Variants in LRMDA observed in about 807,000 individuals in gnomAD.
LRMDA encodes the protein leucine rich melanocyte differentiation associated.
A neutral mutation model predicts 29.8 loss-of-function variants in LRMDA; 18 were observed. The observed-to-expected ratio is 0.60, with a 90% CI of 0.42 to 0.90. LRMDA has a LOEUF of 0.90. Among genes scored for constraint, LRMDA ranks in the 40% least tolerant of loss-of-function variants. The probability of loss-of-function intolerance (pLI) is 0.00; values close to 1 mark genes in which losing one functional copy is unlikely to be tolerated. For missense variants in LRMDA, 273 were observed against 273.9 expected (o/e 1.00, Z 0.02); for synonymous variants, 125 against 109.4 (o/e 1.14, Z -0.89).
rs548585210 is a variant in LRMDA at position 76,480,868 on chromosome 10, G to A, written c.602-76341G>A. On this transcript the variant is annotated intron_variant, in intron 6 of 6. Transcript: ENST00000611255. Reference sequence around the variant, plus strand: ...CGAAAAATAATTTCCCAGTAAGTTCGAAGAATACCTTAAAGGTAATCATAT... The same window carrying A: ...CGAAAAATAATTTCCCAGTAAGTTCAAAGAATACCTTAAAGGTAATCATAT... Among the ~76,000 whole-genome samples the A allele has an allele frequency of 6.6e-5, 10 of 151,948 alleles. No individual in the cohort carries two copies. The South Asian group carries it at 2.1e-3, about 32-fold the overall frequency.
intron 2 of LRMDA, among the ~76,000 whole-genome samples, chr10:75,603,245 A>G (rs987909963): frequency 2.6e-5 from 4 of 151,970 alleles, no homozygotes; most frequent in African/African-American, 9.7e-5. Flanking sequence ...AGATCATGAA[A>G]ATCTCATCTT....
chr10:76,331,198 G>A (rs951906575), intron 6 of LRMDA, among the ~76,000 whole-genome samples: 6 of 152,196 alleles, frequency 3.9e-5, no homozygotes, highest in Admixed American at 3.9e-4. Flanking sequence ...TTGAACCCAG[G>A]AGGCGAAGGT....
At chr10:75,492,529 G>A (rs1845000611) in intron 2 of LRMDA, among the ~76,000 whole-genome samples, 1 of 152,162 alleles carries the variant, frequency 6.6e-6, no homozygotes, top group South Asian at 2.1e-4. Flanking sequence ...TTTTGCTTAT[G>A]AGAAGAGGAA....
At chr10:76,246,408 A>G (rs1852377974) in intron 5 of LRMDA, among the ~76,000 whole-genome samples, 1 of 152,130 alleles carries the variant, frequency 6.6e-6, no homozygotes, top group Non-Finnish European at 1.5e-5. Flanking sequence ...ACCTCCTCTC[A>G]TGTCTCATGG....
intron 2 of LRMDA, among the ~76,000 whole-genome samples, chr10:75,457,890 T>C (rs1260792061): frequency 8.9e-6 from 1 of 111,752 alleles, no homozygotes; most frequent in Admixed American, 8.3e-5. Flanking sequence ...CCATTTTTTC[T>C]TTTTACTTTT....
chr10:75,603,797 G>T (rs189117073), intron 2 of LRMDA, among the ~76,000 whole-genome samples: 51 of 152,266 alleles, frequency 3.3e-4, no homozygotes, highest in African/African-American at 1.2e-3. Flanking sequence ...GGTTGTTCAA[G>T]CTTTTAAAGA....
At chr10:75,966,403 G>A (rs892002233) in intron 2 of LRMDA, among the ~76,000 whole-genome samples, 4 of 152,104 alleles carry the variant, frequency 2.6e-5, no homozygotes, top group African/African-American at 7.2e-5. Context: ...ACCCATACGC[G>A]GAAAGCACCT....
intron 2 of LRMDA, among the ~76,000 whole-genome samples, chr10:75,868,558 T>C (rs2132329369): frequency 6.6e-6 from 1 of 152,366 alleles, no homozygotes; most frequent in East Asian, 1.9e-4. Context: ...TAAAGCATTA[T>C]GTCTTTTGTA....
At chr10:75,533,788 A>T (rs1845506308) in intron 2 of LRMDA, among the ~76,000 whole-genome samples, 1 of 152,128 alleles carries the variant, frequency 6.6e-6, no homozygotes, top group Non-Finnish European at 1.5e-5. Context: ...GAGGAGAGAG[A>T]GAGTCAACGA....
At chr10:75,653,222 G>T (rs1378647029) in intron 2 of LRMDA, among the ~76,000 whole-genome samples, 2 of 152,202 alleles carry the variant, frequency 1.3e-5, no homozygotes, top group Non-Finnish European at 2.9e-5. Context: ...CATGGATTCA[G>T]AATTCTTTAG....
Position 76,105,318 on chromosome 10 carries a change from G to A in LRMDA, c.516+46535G>A, listed in dbSNP as rs114660261. The stretch of plus-strand genomic sequence containing the variant: ...CATGGGTATATTCCAGACTCCCAGA[G>A]CAATGCCATCTTCACAATAAGTGCC... On this transcript the variant is annotated intron_variant, in intron 5 of 6. Transcript: ENST00000611255. Among the ~76,000 whole-genome samples, 294 of 151,992 alleles carry A rather than the reference G, an allele frequency of 1.9e-3. 4 individuals carry two copies. The highest frequency in any genetic ancestry group is 6.9e-3 in the African/African-American group (287 of 41,416).
At chr10:75,609,242 T>G (rs1314398275) in intron 2 of LRMDA, among the ~76,000 whole-genome samples, 1 of 152,116 alleles carries the variant, frequency 6.6e-6, no homozygotes, top group Non-Finnish European at 1.5e-5. Flanking sequence ...GTATGAAGCT[T>G]TGAGGCCGCT....
In LRMDA at chr10:75,666,979, A is replaced by G. The variant is rs562842279; in HGVS notation, c.131+228485A>G. Among the ~76,000 whole-genome samples, 3 of 152,308 alleles carry G rather than the reference A, an allele frequency of 2.0e-5. No homozygotes were observed. The South Asian group carries it at 6.2e-4, about 32-fold the overall frequency. On this transcript the variant is annotated intron_variant, in intron 2 of 6. Transcript: ENST00000611255. ...CTGCAGTTACCTGGCTCTTTTCCTG[A>G]AAGGCAGCTAGGATGAAAAGGAAGA...
chr10:75,777,779 A>G (rs945790702), intron 2 of LRMDA, among the ~76,000 whole-genome samples: 3 of 152,124 alleles, frequency 2.0e-5, no homozygotes, highest in African/African-American at 7.2e-5. Context: ...GTAACAGTGG[A>G]ACACATGTTG....
intron 6 of LRMDA, among the ~76,000 whole-genome samples, chr10:76,517,309 G>A (rs1843071958): frequency 6.6e-6 from 1 of 152,048 alleles, no homozygotes; most frequent in Non-Finnish European, 1.5e-5. Flanking sequence ...TAAAACTGCA[G>A]AGCACCAAAA....
At chr10:76,091,810 T>C (rs1284842506) in intron 5 of LRMDA, among the ~76,000 whole-genome samples, 1 of 152,086 alleles carries the variant, frequency 6.6e-6, no homozygotes, top group African/African-American at 2.4e-5. Flanking sequence ...CTCAGCCTCC[T>C]GAGTAGCTGG....
intron 2 of LRMDA, among the ~76,000 whole-genome samples, chr10:75,527,544 C>G (rs866032100): frequency 6.6e-6 from 1 of 150,864 alleles, no homozygotes; most frequent in Admixed American, 6.6e-5. Context: ...TCTTCACTAA[C>G]CCTTGTTGTT....
At chr10:76,465,939 A>T (rs1367895477) in intron 6 of LRMDA, among the ~76,000 whole-genome samples, 24 of 152,092 alleles carry the variant, frequency 1.6e-4, no homozygotes, top group Non-Finnish European at 1.5e-5. Context: ...ATTAGGGCCC[A>T]CCCCAATGAC....
At chr10:76,073,304 C>T (rs1848903892) in intron 5 of LRMDA, among the ~76,000 whole-genome samples, 1 of 152,124 alleles carries the variant, frequency 6.6e-6, no homozygotes, top group African/African-American at 2.4e-5. Flanking sequence ...TATGTGTGTT[C>T]CCTTCCAAAC....
Sources: gnomAD v4.1 joint callset for allele counts (sites outside exome capture counted in the v4.1 genomes callset) on GRCh38, gnomAD v4.1.1 for gene constraint, MANE v1.5 for transcripts, NCBI Gene and HGNC (gene_info 2026-07-23, HGNC 2026-07-21) for gene names.